WRN: variants seen among roughly 807,000 people sequenced by gnomAD.
WRN encodes the protein WRN RecQ like helicase.
WRN carries 149 observed loss-of-function variants against 180.7 expected under a neutral mutation model. The observed-to-expected ratio is 0.82, with a 90% CI of 0.72 to 0.94. WRN has a LOEUF of 0.94. Among genes scored for constraint, WRN ranks in the 40% least tolerant of loss-of-function variants. WRN has a pLI of 0.00. For synonymous variants in WRN, 548 were observed against 568.9 expected (o/e 0.96, Z 0.52); for missense variants, 1,661 against 1,700.1 (o/e 0.98, Z 0.40).
intron 5 of WRN, 25 bp from the exon 6 acceptor site, chr8:31,067,008 T>C: frequency 6.2e-7 from 1 of 1,613,142 alleles, no homozygotes; most frequent in South Asian, 1.1e-5. Flanking sequence ...CTGATTTTAC[T>C]GTGTTGCTTT....
chr8:31,117,288 A>C (rs1175098750), intron 20 of WRN, among the ~76,000 whole-genome samples: 1 of 152,150 alleles, frequency 6.6e-6, no homozygotes, highest in Non-Finnish European at 1.5e-5. Flanking sequence ...GGGTCTTATA[A>C]TCCTTGGAGT....
intron 9 of WRN, 45 bp downstream of exon 9, chr8:31,081,341 T>C: frequency 1.3e-6 from 2 of 1,597,234 alleles, no homozygotes; most frequent in Non-Finnish European, 1.7e-6. Flanking sequence ...TAGTAGGTTC[T>C]GGCAGACTTT....
At chr8:31,138,097 G>C (rs1802469602) in intron 24 of WRN, among the ~76,000 whole-genome samples, 1 of 151,410 alleles carries the variant, frequency 6.6e-6, no homozygotes, top group Non-Finnish European at 1.5e-5. Context: ...GAGAGACCCT[G>C]TCTCCAAAAA....
At chr8:31,092,710 A>G (rs1044736352) in intron 16 of WRN, among the ~76,000 whole-genome samples, 1 of 151,928 alleles carries the variant, frequency 6.6e-6, no homozygotes. Flanking sequence ...AACAAGATAC[A>G]GAATATCACT....
intron 27 of WRN, among the ~76,000 whole-genome samples, chr8:31,143,234 A>T (rs1247960898): frequency 2.0e-5 from 3 of 152,188 alleles, no homozygotes; most frequent in Non-Finnish European, 2.9e-5. Context: ...TTTCTGGTGA[A>T]CTTTTTCTGC....
chr8:31,121,575 CAT>C (rs1205406666), intron 21 of WRN, among the ~76,000 whole-genome samples: 2 of 151,970 alleles, frequency 1.3e-5, no homozygotes, highest in East Asian at 3.9e-4. Context: ...AATCATGCAA[CAT>C]ATTTAAAATT....
In WRN at chr8:31,173,141, T is replaced by G. The variant is rs751322468; in HGVS notation, c.*39T>G. 16 of 1,544,788 alleles carry G rather than the reference T, an allele frequency of 1.0e-5. No individual in the cohort carries two copies. Among genetic ancestry groups the G allele is most frequent in the Non-Finnish European group, 1.4e-5 (16 of 1,118,414 alleles). On this transcript the variant is annotated 3_prime_UTR_variant, in exon 35 of 35. Coordinates refer to ENST00000298139, the MANE Select transcript of WRN (RefSeq NM_000553.6). Reference sequence around the variant, plus strand: ...AGAACAATTATGTTTCTTGCTGTATTATAAGAGGATAGCTATATTTTATTT... The same window carrying G: ...AGAACAATTATGTTTCTTGCTGTATGATAAGAGGATAGCTATATTTTATTT...
At chr8:31,123,670 T>C (rs1801810563) in intron 21 of WRN, among the ~76,000 whole-genome samples, 1 of 152,164 alleles carries the variant, frequency 6.6e-6, no homozygotes, top group African/African-American at 2.4e-5. Context: ...ATTTTACTAA[T>C]GCTGTCCCTT....
At chr8:31,169,414 T>C (rs1804020447) in intron 34 of WRN, among the ~76,000 whole-genome samples, 1 of 151,988 alleles carries the variant, frequency 6.6e-6, no homozygotes, top group South Asian at 2.1e-4. Flanking sequence ...TTTTCTTTTA[T>C]TTCTGATTCT....
intron 24 of WRN, among the ~76,000 whole-genome samples, chr8:31,136,327 G>T (rs1802395795): frequency 1.3e-5 from 2 of 152,178 alleles, no homozygotes; most frequent in Admixed American, 1.3e-4. Context: ...TCCCACAGAA[G>T]TATACCTGCT....
At chr8:31,111,839 C>CTTT (rs111854110) in intron 19 of WRN, 40 bp downstream of exon 19, 9 of 1,316,040 alleles carry the variant, frequency 6.8e-6, no homozygotes, top group African/African-American at 4.4e-5. Context: ...TAATGATTTC[C>CTTT]TTTTTTTTTT....
chr8:31,140,005 T>TTTG (rs1410098395), intron 24 of WRN, among the ~76,000 whole-genome samples: 7 of 26,686 alleles, frequency 2.6e-4, no homozygotes, highest in Non-Finnish European at 6.1e-4. Context: ...ACTTCTTTGT[T>TTTG]TTTTTTTTTT....
chr8:31,038,261 T>C (rs1811521713), intron 1 of WRN, among the ~76,000 whole-genome samples: 1 of 152,202 alleles, frequency 6.6e-6, no homozygotes, highest in Admixed American at 6.5e-5. Context: ...AAATTATAGC[T>C]ATCCTAGTAG....
At chr8:31,047,575 T>G (rs1811918142) in intron 1 of WRN, among the ~76,000 whole-genome samples, 1 of 152,140 alleles carries the variant, frequency 6.6e-6, no homozygotes, top group Non-Finnish European at 1.5e-5. Flanking sequence ...CTGAATGAAA[T>G]TTATCAGTAC....
intron 34 of WRN, among the ~76,000 whole-genome samples, chr8:31,172,297 C>G (rs1804132494): frequency 6.6e-6 from 1 of 152,074 alleles, no homozygotes; most frequent in Non-Finnish European, 1.5e-5. Flanking sequence ...CGTGAGCCAC[C>G]TCACCCAGCC....
chr8:31,172,886 G>A (rs2130529490), intron 34 of WRN, 109 bp from the exon 35 acceptor site: 1 of 868,558 alleles, frequency 1.2e-6, no homozygotes, highest in Non-Finnish European at 1.9e-6. Context: ...TGTTTGGATG[G>A]GGGAGAAAGG....
chr8:31,145,976 A>G (rs1563379382), intron 28 of WRN, among the ~76,000 whole-genome samples: 1 of 151,898 alleles, frequency 6.6e-6, no homozygotes, highest in African/African-American at 2.4e-5. Flanking sequence ...AGATATATTT[A>G]AATTTTCCTT....
intron 23 of WRN, among the ~76,000 whole-genome samples, chr8:31,128,392 A>G (rs981049805): frequency 6.6e-6 from 1 of 152,150 alleles, no homozygotes; most frequent in African/African-American, 2.4e-5. Flanking sequence ...CACATAGCAA[A>G]TGATATGTGT....
intron 16 of WRN, among the ~76,000 whole-genome samples, chr8:31,094,799 C>T (rs569288351): frequency 1.8e-4 from 27 of 152,220 alleles, no homozygotes; most frequent in Non-Finnish European, 2.4e-4. Flanking sequence ...GTACTTCATT[C>T]GGTCTTTTTT....
Sources: allele counts gnomAD v4.1 joint callset (sites outside exome capture counted in the v4.1 genomes callset), GRCh38; gene constraint gnomAD v4.1.1; transcripts MANE v1.5; gene names NCBI Gene and HGNC (gene_info 2026-07-23, HGNC 2026-07-21).